Variants in SEM1 observed in about 807,000 individuals in gnomAD.
SEM1 encodes the protein 26S proteasome complex subunit SEM1.
SEM1 carries 3 observed loss-of-function variants against 12.7 expected under a neutral mutation model. The ratio of observed to expected loss-of-function variants is 0.24; its 90% CI spans 0.11 to 0.61. SEM1 has a LOEUF of 0.61. Among genes scored for constraint, SEM1 ranks in the 20% least tolerant of loss-of-function variants. The pLI, the probability that SEM1 is intolerant of heterozygous loss-of-function variation, is 0.88. For missense variants in SEM1, 59 were observed against 81.3 expected (o/e 0.73, Z 1.06); for synonymous variants, 30 against 27.8 (o/e 1.08, Z -0.25).
At chr7:96,536,645 G>A (rs571774841) in intron 2 of SEM1, among the ~76,000 whole-genome samples, 39 of 151,828 alleles carry the variant, frequency 2.6e-4, no homozygotes, top group Non-Finnish European at 5.2e-4. Context: ...TTAGAGAACT[G>A]AATAATTTTT....
chr7:96,703,402 G>C (rs547395089), intron 1 of SEM1, among the ~76,000 whole-genome samples: 80 of 152,256 alleles, frequency 5.3e-4, no homozygotes, highest in Non-Finnish European at 8.7e-4. Context: ...AAATGGTTTA[G>C]AGAAAAATGT....
rs1789838328 is a variant in SEM1, at chr7:96,688,772, T to G, written c.*152A>C. Reference sequence around the variant, plus strand: ...ACTTCTGAACCAAACCAAGATTATATCAAAACATTTATTTTTTGTGTTACA... The same window carrying G: ...ACTTCTGAACCAAACCAAGATTATAGCAAAACATTTATTTTTTGTGTTACA... On this transcript the variant is annotated 3_prime_UTR_variant, in exon 3 of 3. Transcript: ENST00000248566. 4 of 603,226 alleles carry G rather than the reference T, an allele frequency of 6.6e-6. No homozygotes were observed. In the East Asian group the frequency reaches 1.2e-4, roughly 19 times the overall value. The allele number at this position is 603,226 out of a possible 1,614,324, so 37.4% of individuals were successfully genotyped here. A position where few individuals can be genotyped will look rare whatever the true frequency, so the allele number is the denominator to read the frequency against.
At chr7:96,488,845 G>A (rs550127018) in intron 1 of SEM1, among the ~76,000 whole-genome samples, 4 of 152,022 alleles carry the variant, frequency 2.6e-5, no homozygotes, top group Non-Finnish European at 5.9e-5. Context: ...TGTTCTTTGG[G>A]CTGTGGGTAA....
intron 2 of SEM1, among the ~76,000 whole-genome samples, chr7:96,526,983 A>G (rs1804485056): frequency 6.6e-6 from 1 of 152,146 alleles, no homozygotes. Context: ...AAGTAAAATG[A>G]TGACCCATAA....
chr7:96,623,710 G>T (rs1807967415), intron 2 of SEM1, among the ~76,000 whole-genome samples: 1 of 151,788 alleles, frequency 6.6e-6, no homozygotes, highest in Non-Finnish European at 1.5e-5. Flanking sequence ...CTCAATCATT[G>T]AAAGGTTGTA....
chr7:96,534,338 G>A (rs148389968), intron 2 of SEM1, among the ~76,000 whole-genome samples: 29 of 152,158 alleles, frequency 1.9e-4, no homozygotes, highest in African/African-American at 6.5e-4. Context: ...GATAAGACTG[G>A]TGTGATAGTA....
At chr7:96,614,606 C>A (rs1807645538) in intron 2 of SEM1, among the ~76,000 whole-genome samples, 1 of 152,332 alleles carries the variant, frequency 6.6e-6, no homozygotes, top group African/African-American at 2.4e-5. Flanking sequence ...GCCTTCGTTT[C>A]TTGAACAGAG....
chr7:96,709,682 G>A lies in SEM1; in HGVS notation c.76+6C>T, dbSNP rs1217577307. On this transcript the variant is annotated splice_donor_region_variant and intron_variant, in intron 1 of 2. Coordinates refer to ENST00000248566, the MANE Select transcript of SEM1 (RefSeq NM_006304.2). ...CGCGACACAGAAACCGGGGCCCAGCGGTTACCTTCGGCAGGGAACTCTTCA... is the reference window on the plus strand; with the variant it reads ...CGCGACACAGAAACCGGGGCCCAGCAGTTACCTTCGGCAGGGAACTCTTCA... The A allele has an allele frequency of 6.2e-7, 1 of 1,613,042 alleles. No homozygotes were observed. The highest frequency in any genetic ancestry group is 1.7e-5 in the Admixed American group (1 of 59,962).
At chr7:96,494,935 T>C (rs1432322071) in intron 1 of SEM1, among the ~76,000 whole-genome samples, 2 of 128,612 alleles carry the variant, frequency 1.6e-5, no homozygotes, top group Non-Finnish European at 1.6e-5. Context: ...GAGAATAGCA[T>C]TGGAAGATTA....
intron 2 of SEM1, among the ~76,000 whole-genome samples, chr7:96,509,153 A>ATT (rs71127457): frequency 1.3e-3 from 153 of 120,804 alleles, no homozygotes; most frequent in Non-Finnish European, 1.5e-3. Flanking sequence ...CGTCCAGCTA[A>ATT]TTTTTTTTTT....
At chr7:96,554,320 T>C (rs1805401991) in intron 2 of SEM1, among the ~76,000 whole-genome samples, 1 of 100,310 alleles carries the variant, frequency 1.0e-5, no homozygotes, top group African/African-American at 3.3e-5. Flanking sequence ...CAGTATGATA[T>C]TGGCTGTGGG....
intron 3 of SEM1, among the ~76,000 whole-genome samples, chr7:96,504,564 CTTA>C (rs1351460975): frequency 6.6e-6 from 1 of 151,984 alleles, no homozygotes; most frequent in Non-Finnish European, 1.5e-5. Flanking sequence ...ACGTTCTTTC[CTTA>C]TTATCTTGAA....
At chr7:96,705,849 A>G (rs1790440513) in intron 1 of SEM1, among the ~76,000 whole-genome samples, 1 of 152,058 alleles carries the variant, frequency 6.6e-6, no homozygotes, top group African/African-American at 2.4e-5. Context: ...TAAATAAATT[A>G]TAGACTACTT....
At chr7:96,639,053 C>A (rs1194312264) in intron 2 of SEM1, among the ~76,000 whole-genome samples, 3 of 151,902 alleles carry the variant, frequency 2.0e-5, no homozygotes, top group East Asian at 1.9e-4. Context: ...TGACAAAAAA[C>A]CAGAACAATG....
At chr7:96,692,564 A>G (rs1789961015) in intron 2 of SEM1, among the ~76,000 whole-genome samples, 1 of 152,106 alleles carries the variant, frequency 6.6e-6, no homozygotes, top group Non-Finnish European at 1.5e-5. Flanking sequence ...ACATAAAACA[A>G]AGACAGATAT....
chr7:96,611,668 T>G (rs1431729052), intron 2 of SEM1, among the ~76,000 whole-genome samples: 1 of 152,242 alleles, frequency 6.6e-6, no homozygotes, highest in African/African-American at 2.4e-5. Flanking sequence ...CATGTGTTTT[T>G]GAGAATTTCA....
intron 2 of SEM1, among the ~76,000 whole-genome samples, chr7:96,691,292 G>A (rs10249092): frequency 4.7e-4 from 71 of 152,004 alleles, no homozygotes; most frequent in South Asian, 1.2e-3. Context: ...GGGGGCCTGC[G>A]ACATGGACAG....
intron 2 of SEM1, among the ~76,000 whole-genome samples, chr7:96,593,526 G>A (rs535685491): frequency 2.5e-4 from 38 of 152,246 alleles, no homozygotes; most frequent in South Asian, 8.3e-4. Flanking sequence ...CCAGTGTGCC[G>A]TATGTGAAGT....
chr7:96,628,322 A>G (rs1483356919), intron 2 of SEM1, among the ~76,000 whole-genome samples: 3 of 151,144 alleles, frequency 2.0e-5, no homozygotes, highest in Non-Finnish European at 4.4e-5. Flanking sequence ...TTCCTTTTTA[A>G]TTTTCCTCCT....
Sources: gnomAD v4.1 joint callset for allele counts (sites outside exome capture counted in the v4.1 genomes callset) on GRCh38, gnomAD v4.1.1 for gene constraint, MANE v1.5 for transcripts, NCBI Gene and HGNC (gene_info 2026-07-23, HGNC 2026-07-21) for gene names.